Variants in GSTCD observed in about 807,000 individuals in gnomAD.
GSTCD encodes the protein glutathione S-transferase C-terminal domain containing.
Under a neutral mutation model 68.3 loss-of-function variants are expected in GSTCD, and 44 were observed. The observed-to-expected ratio is 0.64, with a 90% CI of 0.51 to 0.83. The LOEUF is 0.83. Ranked by LOEUF, GSTCD falls within the 40% of genes least tolerant of loss-of-function variation. The pLI, the probability that GSTCD is intolerant of heterozygous loss-of-function variation, is 0.00. For missense variants in GSTCD, 739 were observed against 735.9 expected (o/e 1.00, Z -0.05); for synonymous variants, 273 against 255.2 (o/e 1.07, Z -0.67).
At chr4:105,798,767 G>A (rs1055585427) in intron 5 of GSTCD, among the ~76,000 whole-genome samples, 70 of 97,566 alleles carry the variant, frequency 7.2e-4, no homozygotes, top group Non-Finnish European at 1.2e-3. Context: ...GAATAAATTT[G>A]TCATCATTTA....
At chr4:105,810,123 T>C (rs530268221) in intron 5 of GSTCD, among the ~76,000 whole-genome samples, 12 of 152,114 alleles carry the variant, frequency 7.9e-5, no homozygotes, top group East Asian at 1.9e-4. Context: ...CTGTCTTATA[T>C]TGGCTAATGA....
At chr4:105,744,292 T>C (rs566151755) in intron 5 of GSTCD, among the ~76,000 whole-genome samples, 7 of 152,234 alleles carry the variant, frequency 4.6e-5, no homozygotes, top group African/African-American at 1.7e-4. Context: ...TTGCACACAG[T>C]GCTATTTGGT....
intron 5 of GSTCD, among the ~76,000 whole-genome samples, chr4:105,770,300 C>T (rs537863266): frequency 5.9e-5 from 9 of 151,770 alleles, no homozygotes; most frequent in South Asian, 2.1e-4. Context: ...AGCATTTCCC[C>T]GCGTAGCACC....
chr4:105,719,903 T>C (rs571421299), intron 3 of GSTCD, among the ~76,000 whole-genome samples: 1 of 151,988 alleles, frequency 6.6e-6, no homozygotes, highest in East Asian at 1.9e-4. Context: ...TGTGGTGCAA[T>C]GGATACTCCG....
rs1323534751 is a variant in GSTCD, at chr4:105,717,795, C to T, written c.182C>T (p.Ser61Leu). 2 of 1,613,838 alleles carry T rather than the reference C, an allele frequency of 1.2e-6. No individual in the cohort carries two copies. The highest frequency in any genetic ancestry group is 2.2e-5 in the South Asian group (2 of 91,068). Residue 61 changes from serine to leucine, a missense_variant, in exon 2 of 12, where the codon TCA becomes TTA. Coordinates refer to ENST00000515279, the MANE Select transcript of GSTCD (RefSeq NM_001370181.1). ...ACCAAAGAGGTGAGTAGAGATAGTT[C>T]ACTACTAAGAGATGACCTGATCCAG... The part of the protein sequence containing the change: ...VVTKEVSRDS[S>L]LLRDDLIQDV...
chr4:105,741,643 T>C (rs908271552), intron 5 of GSTCD, among the ~76,000 whole-genome samples: 1 of 152,214 alleles, frequency 6.6e-6, no homozygotes, highest in Non-Finnish European at 1.5e-5. Flanking sequence ...AGCTACCAAC[T>C]GAAGGAGATC....
chr4:105,827,605 A>C (rs1723697611), intron 8 of GSTCD, among the ~76,000 whole-genome samples: 1 of 152,098 alleles, frequency 6.6e-6, no homozygotes, highest in Admixed American at 6.5e-5. Flanking sequence ...TAAATGCATC[A>C]GAGGTTCTAA....
chr4:105,794,877 A>G (rs552151193), intron 5 of GSTCD, among the ~76,000 whole-genome samples: 2 of 135,748 alleles, frequency 1.5e-5, no homozygotes, highest in Admixed American at 1.4e-4. Flanking sequence ...CTATCTATCT[A>G]TCTATCTATC....
At chr4:105,805,270 G>GTTT (rs2149263810) in intron 5 of GSTCD, among the ~76,000 whole-genome samples, 1 of 152,064 alleles carries the variant, frequency 6.6e-6, no homozygotes, top group East Asian at 1.9e-4. Context: ...TCTCCACTGT[G>GTTT]TTTTTATTTT....
At chr4:105,748,242 G>A (rs142586810) in intron 5 of GSTCD, among the ~76,000 whole-genome samples, 92 of 152,040 alleles carry the variant, frequency 6.1e-4, no homozygotes, top group African/African-American at 2.2e-3. Flanking sequence ...GCGACAGAGT[G>A]AGACTCCATC....
chr4:105,802,141 G>A (rs1466920198), intron 5 of GSTCD, among the ~76,000 whole-genome samples: 1 of 152,056 alleles, frequency 6.6e-6, no homozygotes, highest in Admixed American at 6.6e-5. Context: ...AAACTACTTA[G>A]ACTAAAGCTT....
chr4:105,816,127 A>G (rs1057369260), intron 5 of GSTCD, among the ~76,000 whole-genome samples: 2 of 152,124 alleles, frequency 1.3e-5, no homozygotes, highest in African/African-American at 4.8e-5. Flanking sequence ...ATGTGATTAT[A>G]CTTTCTTCAA....
intron 5 of GSTCD, among the ~76,000 whole-genome samples, chr4:105,758,239 A>G (rs1734267093): frequency 1.3e-5 from 2 of 152,204 alleles, no homozygotes; most frequent in Admixed American, 6.5e-5. Context: ...TACAGTGAAA[A>G]CATCCTACAC....
chr4:105,751,264 A>G (rs1231508168), intron 5 of GSTCD, among the ~76,000 whole-genome samples: 1 of 152,178 alleles, frequency 6.6e-6, no homozygotes, highest in Admixed American at 6.5e-5. Context: ...AATTGTTTCA[A>G]AATAAAAAAA....
intron 3 of GSTCD, 89 bp from the exon 4 acceptor site, chr4:105,726,490 T>C (rs1278092205): frequency 5.2e-6 from 4 of 762,292 alleles, no homozygotes; most frequent in Non-Finnish European, 8.3e-6. Flanking sequence ...CACTTAAATG[T>C]GTGAATGTTG....
intron 5 of GSTCD, among the ~76,000 whole-genome samples, chr4:105,818,726 C>T (rs559516444): frequency 6.6e-6 from 1 of 151,758 alleles, no homozygotes; most frequent in Non-Finnish European, 1.5e-5. Flanking sequence ...GAGCATAGTG[C>T]ATCAGGGGTA....
chr4:105,763,819 A>G (rs993851772), intron 5 of GSTCD, among the ~76,000 whole-genome samples: 3 of 152,070 alleles, frequency 2.0e-5, no homozygotes, highest in African/African-American at 7.2e-5. Flanking sequence ...CAAGGTTTTT[A>G]TATTGCTTTT....
intron 5 of GSTCD, among the ~76,000 whole-genome samples, chr4:105,802,016 AG>A (rs369372497): frequency 3.3e-5 from 5 of 152,096 alleles, no homozygotes; most frequent in African/African-American, 1.2e-4. Flanking sequence ...TGTCAAATAT[AG>A]ATAATGAAGG....
At chr4:105,746,958 C>A (rs1733825759) in intron 5 of GSTCD, among the ~76,000 whole-genome samples, 1 of 152,188 alleles carries the variant, frequency 6.6e-6, no homozygotes, top group South Asian at 2.1e-4. Flanking sequence ...CCCCTTCTTT[C>A]TTCTCCCAGC....
Sources: gnomAD v4.1 joint callset for allele counts (sites outside exome capture counted in the v4.1 genomes callset) on GRCh38, gnomAD v4.1.1 for gene constraint, MANE v1.5 for transcripts, NCBI Gene and HGNC (gene_info 2026-07-23, HGNC 2026-07-21) for gene names.